The following TRIM37 variants were observed in gnomAD, a reference collection of about 807,000 sequenced individuals.
TRIM37 encodes the protein E3 ubiquitin-protein ligase TRIM37.
Under a neutral mutation model 129.8 loss-of-function variants are expected in TRIM37, and 80 were observed. The ratio of observed to expected loss-of-function variants is 0.62; its 90% CI spans 0.51 to 0.74. TRIM37 has a LOEUF of 0.74. TRIM37 is among the 30% of genes least tolerant of loss of function. The pLI is 0.00. For missense variants in TRIM37, 1,054 were observed against 1,176.5 expected (o/e 0.90, Z 1.52); for synonymous variants, 389 against 387.1 (o/e 1.00, Z -0.06).
At chr17:59,018,561 T>C (rs1383401226) in intron 19 of TRIM37, among the ~76,000 whole-genome samples, 1 of 152,168 alleles carries the variant, frequency 6.6e-6, no homozygotes, top group Non-Finnish European at 1.5e-5. Flanking sequence ...AATGTGAGAC[T>C]TGTCCACTGA....
At chr17:58,984,142 A>C (rs2143887115) in intron 24 of TRIM37, 1 of 152,786 alleles carries the variant, frequency 6.5e-6, no homozygotes, top group South Asian at 2.1e-4. Flanking sequence ...TTATGATTAA[A>C]GTTACTGTTG....
At chr17:59,048,530 A>G (rs1029850557) in intron 15 of TRIM37, among the ~76,000 whole-genome samples, 2 of 152,218 alleles carry the variant, frequency 1.3e-5, no homozygotes, top group African/African-American at 4.8e-5. Flanking sequence ...CGAATCCTAA[A>G]TCAGTCTACC....
chr17:59,101,959 AAAT>A (rs1466004204), intron 2 of TRIM37, among the ~76,000 whole-genome samples: 1 of 151,552 alleles, frequency 6.6e-6, no homozygotes, highest in Non-Finnish European at 1.5e-5. Context: ...AAAAAATAAA[AAAT>A]AAAAAAATCA....
chr17:58,977,068 G>T, the TRIM37 span, among the ~76,000 whole-genome samples: 1 of 152,038 alleles, frequency 6.6e-6, no homozygotes, highest in Non-Finnish European at 1.5e-5. Context: ...GCTCTAACAG[G>T]CTATGGAGGC....
chr17:59,017,466 G>A, intron 19 of TRIM37, 42 bp from the exon 20 acceptor site: 1 of 1,612,960 alleles, frequency 6.2e-7, no homozygotes, highest in Non-Finnish European at 8.5e-7. Flanking sequence ...GGCTACTACA[G>A]CACAAAACTC....
chr17:58,975,623 C>G, the TRIM37 span, among the ~76,000 whole-genome samples: 1 of 152,172 alleles, frequency 6.6e-6, no homozygotes, highest in South Asian at 2.1e-4. Flanking sequence ...TTTGAAAAGG[C>G]ATGGCATGTT....
chr17:59,024,215 A>AG (rs994169661), intron 19 of TRIM37, among the ~76,000 whole-genome samples: 2 of 24,172 alleles, frequency 8.3e-5, no homozygotes, highest in Admixed American at 5.9e-4. Context: ...ATTCCGTATC[A>AG]AAAAAAAAAA....
At chr17:59,062,732 C>A in intron 10 of TRIM37, 84 bp from the exon 11 acceptor site, 5 of 1,060,378 alleles carry the variant, frequency 4.7e-6, no homozygotes, top group African/African-American at 1.6e-5. Flanking sequence ...CAACCAGTTT[C>A]TTTGTTACAT....
chr17:59,068,202 C>A (rs958451671), intron 9 of TRIM37, among the ~76,000 whole-genome samples: 1 of 152,126 alleles, frequency 6.6e-6, no homozygotes. Context: ...AACAGACTAG[C>A]GAGCATTGTT....
intron 20 of TRIM37, 60 bp downstream of exon 20, chr17:59,017,236 C>G (rs1434828699): frequency 6.3e-7 from 1 of 1,590,900 alleles, no homozygotes; most frequent in African/African-American, 1.3e-5. Flanking sequence ...ACGATAACAT[C>G]AATTTCAGGT....
intron 2 of TRIM37, among the ~76,000 whole-genome samples, chr17:59,096,122 T>C (rs1023521817): frequency 1.3e-5 from 2 of 152,196 alleles, no homozygotes; most frequent in African/African-American, 2.4e-5. Flanking sequence ...CTTTTGTTCA[T>C]TTCCAAAAAC....
rs188799203 is a variant in TRIM37, at chr17:59,051,754, G to A, written c.1200-426C>T. On this transcript the variant is annotated intron_variant, in intron 13 of 23. Transcript: ENST00000262294. The stretch of plus-strand genomic sequence containing the variant: ...ACAAAGTTTTTTTTTTTTTTGAGAC[G>A]GAGTCTCGCTCTGTCGCCCAGGCTG... Among the ~76,000 whole-genome samples the A allele has an allele frequency of 5.2e-3, 782 of 149,692 alleles. 5 individuals are homozygous for A. The highest frequency in any genetic ancestry group is 0.018 in the African/African-American group (719 of 40,680).
At chr17:58,993,714 G>A (rs180772421), downstream of TRIM37, among the ~76,000 whole-genome samples, 41 of 152,120 alleles carry the variant, frequency 2.7e-4, 1 homozygote, top group East Asian at 5.4e-3. Context: ...TTGTGGTGGC[G>A]GATACAAGAC....
At chr17:59,069,672 G>A (rs958700760) in intron 9 of TRIM37, among the ~76,000 whole-genome samples, 1 of 152,200 alleles carries the variant, frequency 6.6e-6, no homozygotes, top group Non-Finnish European at 1.5e-5. Flanking sequence ...TGAACCCTAT[G>A]TCACAGGCTG....
At chr17:59,102,442 T>A (rs1182840490) in intron 2 of TRIM37, among the ~76,000 whole-genome samples, 3 of 152,230 alleles carry the variant, frequency 2.0e-5, no homozygotes, top group African/African-American at 7.2e-5. Context: ...TTATCTAGCA[T>A]CAGTTTCACT....
At position 59,075,627 on chromosome 17, in the gene TRIM37, T is replaced by TACATTTAATATTTCATC; in HGVS notation, c.684+3_684+19dup. ...GAAAAAAGGATAAAGACTATTTCAT[T>TACATTTAATATTTCATC]ACATTTAATATTTCATCACCTGGTG... On this transcript the variant is annotated intron_variant, in intron 8 of 23. Coordinates refer to ENST00000262294, the MANE Select transcript of TRIM37 (RefSeq NM_015294.6). 6.5e-7 allele frequency: 1 copy of TACATTTAATATTTCATC among 1,543,214 alleles called. No homozygotes were observed. The highest frequency in any genetic ancestry group is 8.9e-7 in the Non-Finnish European group (1 of 1,118,102).
At chr17:59,097,064 C>T (rs1345416247) in intron 2 of TRIM37, among the ~76,000 whole-genome samples, 1 of 152,124 alleles carries the variant, frequency 6.6e-6, no homozygotes, top group Non-Finnish European at 1.5e-5. Context: ...TGACAAAATC[C>T]AATATCCTTT....
chr17:59,067,526 G>A lies in TRIM37; in HGVS notation c.810-3121C>T, dbSNP rs572273618. ...CACAAGTATCCATTTGTTTCTTAAG[G>A]AAATAAACTGCTGAGCTATATAAAA... On this transcript the variant is annotated intron_variant, in intron 9 of 23. Transcript: ENST00000262294. Among the ~76,000 whole-genome samples, 7 of 152,278 alleles carry A rather than the reference G, an allele frequency of 4.6e-5. No individual in the cohort carries two copies. In the East Asian group the frequency reaches 1.3e-3, roughly 29 times the overall value.
chr17:58,986,620 C>T (rs552373496), intron 24 of TRIM37, among the ~76,000 whole-genome samples: 1 of 148,592 alleles, frequency 6.7e-6, no homozygotes, highest in Admixed American at 6.8e-5. Context: ...TCAAGCAATT[C>T]TTGTGCCTCA....
Sources: gnomAD v4.1 joint callset for allele counts (sites outside exome capture counted in the v4.1 genomes callset) on GRCh38, gnomAD v4.1.1 for gene constraint, MANE v1.5 for transcripts, NCBI Gene and HGNC (gene_info 2026-07-23, HGNC 2026-07-21) for gene names.